Variants in WDFY2 observed in about 807,000 individuals in gnomAD.
WDFY2 encodes WD repeat and FYVE domain containing 2, also known as WD repeat and FYVE domain-containing protein 2.
A neutral mutation model predicts 56.4 loss-of-function variants in WDFY2; 36 were observed. The observed-to-expected ratio is 0.64, with a 90% CI of 0.49 to 0.84. The LOEUF is 0.84. WDFY2 is among the 40% of genes least tolerant of loss of function. The pLI is 0.00. For synonymous variants in WDFY2, 176 were observed against 183.7 expected, an observed-to-expected ratio of 0.96 and a Z score of 0.34; for missense variants, 444 against 512.2, an observed-to-expected ratio of 0.87 and a Z score of 1.29.
At chr13:51,670,793 A>G (rs1297739842) in intron 2 of WDFY2, among the ~76,000 whole-genome samples, 1 of 151,774 alleles carries the variant, frequency 6.6e-6, no homozygotes, top group Non-Finnish European at 1.5e-5. Flanking sequence ...AAAGTTCTTT[A>G]CTGGTGATTT....
chr13:51,713,411 T>C (rs1247740783), intron 4 of WDFY2, among the ~76,000 whole-genome samples: 2 of 152,176 alleles, frequency 1.3e-5, no homozygotes, highest in Non-Finnish European at 2.9e-5. Flanking sequence ...CAGCATTGTT[T>C]ACAATAGCCC....
chr13:51,708,196 A>T (rs1952129061), intron 4 of WDFY2, among the ~76,000 whole-genome samples: 1 of 151,764 alleles, frequency 6.6e-6, no homozygotes, highest in Admixed American at 6.6e-5. Context: ...GCAACTATTA[A>T]AATAACAAAT....
At chr13:51,712,464 A>G (rs535467199) in intron 4 of WDFY2, among the ~76,000 whole-genome samples, 4 of 152,296 alleles carry the variant, frequency 2.6e-5, no homozygotes, top group South Asian at 4.1e-4. Flanking sequence ...TGAAAACACA[A>G]TATACCAGAA....
At chr13:51,619,600 A>G (rs1954688084) in intron 1 of WDFY2, among the ~76,000 whole-genome samples, 1 of 152,230 alleles carries the variant, frequency 6.6e-6, no homozygotes, top group Admixed American at 6.5e-5. Context: ...CAGAACAAAC[A>G]ATGGTTATTT....
chr13:51,757,752 G>A (rs1953442619), intron 10 of WDFY2, among the ~76,000 whole-genome samples: 1 of 151,134 alleles, frequency 6.6e-6, no homozygotes, highest in East Asian at 1.9e-4. Flanking sequence ...CAGTGAAAAA[G>A]GAAAAATGAA....
intron 10 of WDFY2, 38 bp from the exon 11 acceptor site, chr13:51,758,154 C>T (rs1214057510): frequency 2.0e-6 from 3 of 1,492,304 alleles, no homozygotes; most frequent in African/African-American, 2.7e-5. Flanking sequence ...CATATGTCAC[C>T]ACCTTTTCCC....
intron 1 of WDFY2, among the ~76,000 whole-genome samples, chr13:51,601,453 C>T (rs374775562): frequency 2.7e-5 from 4 of 149,680 alleles, no homozygotes; most frequent in South Asian, 2.1e-4. Flanking sequence ...TTGCTTTTGT[C>T]GCCCAGGCTG....
intron 1 of WDFY2, among the ~76,000 whole-genome samples, chr13:51,654,371 C>G (rs1267894411): frequency 1.3e-5 from 2 of 152,164 alleles, no homozygotes; most frequent in Non-Finnish European, 2.9e-5. Flanking sequence ...GATGCCTTGC[C>G]CTGCTTCAGC....
At chr13:51,653,395 C>T (rs1054390357) in intron 1 of WDFY2, among the ~76,000 whole-genome samples, 1 of 152,098 alleles carries the variant, frequency 6.6e-6, no homozygotes, top group Non-Finnish European at 1.5e-5. Flanking sequence ...GAAGCCTTCT[C>T]TCAACTCGTC....
Position 51,719,365 on chromosome 13 carries a change from A to G in WDFY2, c.485+17A>G, listed in dbSNP as rs1168669018. ...AGGCCTGCAGTATCCTTTGCTGGAC[A>G]AAAATCTCTTAGTGGGAACTTAACT... On this transcript the variant is annotated intron_variant, in intron 5 of 11. Transcript: ENST00000298125. The G allele has an allele frequency of 6.5e-7, 1 of 1,539,376 alleles. No homozygotes were observed. The highest frequency in any genetic ancestry group is 1.4e-5 in the African/African-American group (1 of 71,776).
At chr13:51,660,307 C>T (rs1396312427) in intron 1 of WDFY2, among the ~76,000 whole-genome samples, 1 of 151,752 alleles carries the variant, frequency 6.6e-6, no homozygotes. Context: ...AGTGATTCTC[C>T]TGCCTCAGCC....
At position 51,660,578 on chromosome 13, in the gene WDFY2, T is replaced by C; in HGVS notation, c.138-18T>C. The C allele has an allele frequency of 6.2e-7, 1 of 1,609,388 alleles. No homozygotes were observed. The highest frequency in any genetic ancestry group is 1.1e-5 in the South Asian group (1 of 90,932). On this transcript the variant is annotated intron_variant, in intron 1 of 11. Coordinates refer to ENST00000298125, the MANE Select transcript of WDFY2 (RefSeq NM_052950.4). The stretch of plus-strand genomic sequence containing the variant: ...TAAGAATAATGTGATTTCATGTACA[T>C]ATTTTCTTCTGTTGTAGGACAGTTC...
chr13:51,716,168 AGGAG>A, intron 4 of WDFY2, among the ~76,000 whole-genome samples: 1 of 152,316 alleles, frequency 6.6e-6, no homozygotes, highest in African/African-American at 2.4e-5. Flanking sequence ...TGTCAGGAAT[AGGAG>A]GGAATTCACA....
intron 3 of WDFY2, among the ~76,000 whole-genome samples, chr13:51,680,398 G>A (rs1393201199): frequency 2.0e-5 from 3 of 152,104 alleles, no homozygotes; most frequent in Non-Finnish European, 4.4e-5. Context: ...CACTGTGCCC[G>A]GCTCCACGTG....
intron 1 of WDFY2, among the ~76,000 whole-genome samples, chr13:51,617,538 C>T (rs1954641014): frequency 6.6e-6 from 1 of 152,094 alleles, no homozygotes; most frequent in Non-Finnish European, 1.5e-5. Flanking sequence ...ATCTTCTTTT[C>T]CCCCATAATC....
chr13:51,704,145 G>A (rs898990577), intron 4 of WDFY2, among the ~76,000 whole-genome samples: 4 of 152,122 alleles, frequency 2.6e-5, no homozygotes, highest in African/African-American at 9.7e-5. Context: ...AAAGTTTGAG[G>A]TAGACCTTTT....
intron 1 of WDFY2, among the ~76,000 whole-genome samples, chr13:51,595,393 A>G (rs1954125944): frequency 6.6e-6 from 1 of 152,174 alleles, no homozygotes; most frequent in South Asian, 2.1e-4. Flanking sequence ...GAAGTTTTGA[A>G]TTTGTCGGCA....
chr13:51,612,488 A>G lies in WDFY2; in HGVS notation c.137+27664A>G, dbSNP rs540050453. ...ATTAACACTTAGAAGTCTTTTTACA[A>G]TTAAATTTTTTTTACTGTTTTATAG... On this transcript the variant is annotated intron_variant, in intron 1 of 11. Transcript: ENST00000298125. Among the ~76,000 whole-genome samples the G allele has an allele frequency of 1.4e-3, 219 of 152,342 alleles. 2 individuals carry two copies. The highest frequency in any genetic ancestry group is 5.1e-3 in the African/African-American group (210 of 41,578).
intron 1 of WDFY2, among the ~76,000 whole-genome samples, chr13:51,634,936 A>G (rs951394637): frequency 6.6e-6 from 1 of 151,794 alleles, no homozygotes; most frequent in African/African-American, 2.4e-5. Context: ...TTATTTTTTA[A>G]TTTTTTAGTT....
Sources: allele counts gnomAD v4.1 joint callset (sites outside exome capture counted in the v4.1 genomes callset), GRCh38; gene constraint gnomAD v4.1.1; transcripts MANE v1.5; gene names NCBI Gene and HGNC (gene_info 2026-07-23, HGNC 2026-07-21).